CPNE5: variants seen among roughly 807,000 people sequenced by gnomAD.
The protein encoded by CPNE5 is copine-5.
CPNE5 carries 42 observed loss-of-function variants against 81.1 expected under a neutral mutation model. That is an observed-to-expected ratio of 0.52 (90% CI 0.40 to 0.67). CPNE5 has a LOEUF of 0.67. Among genes scored for constraint, CPNE5 ranks in the 30% least tolerant of loss-of-function variants. The pLI is 0.00. For synonymous variants in CPNE5, 313 were observed against 321.5 expected (o/e 0.97, Z 0.28); for missense variants, 612 against 815.5 (o/e 0.75, Z 3.04).
At chr6:36,781,862 G>A (rs1768061152) in intron 8 of CPNE5, among the ~76,000 whole-genome samples, 1 of 152,142 alleles carries the variant, frequency 6.6e-6, no homozygotes, top group African/African-American at 2.4e-5. Context: ...CCACAGAGGT[G>A]ACCCGCAGTG....
chr6:36,774,159 G>A (rs1036397806), intron 10 of CPNE5, among the ~76,000 whole-genome samples: 1 of 151,712 alleles, frequency 6.6e-6, no homozygotes, highest in Non-Finnish European at 1.5e-5. Flanking sequence ...AGAGATGGGT[G>A]CATTGCTTGA....
intron 8 of CPNE5, among the ~76,000 whole-genome samples, chr6:36,779,873 C>T (rs1366670519): frequency 1.3e-5 from 2 of 152,192 alleles, no homozygotes; most frequent in African/African-American, 4.8e-5. Flanking sequence ...GACAAATCAC[C>T]TTCGAGCCAG....
chr6:36,743,701 G>T lies in CPNE5; in HGVS notation c.1551C>A (p.Arg517=). 1 of 1,613,424 alleles carries T rather than the reference G, an allele frequency of 6.2e-7. No homozygotes were observed. The highest frequency in any genetic ancestry group is 1.7e-5 in the Admixed American group (1 of 60,028). ...RISSRGKLAE[R]DIVQFVPFRD... is the part of the protein sequence containing the mutation. ...GCCTGGGCTTCACCTGGACGATGTC[G>T]CGTTCAGCCAGCTTCCCCCGGGAGG... Residue 517 remains arginine, a synonymous_variant, in exon 20 of 21, where the codon CGC becomes CGA. Transcript: ENST00000244751.
At chr6:36,830,676 T>A (rs7767776) in intron 1 of CPNE5, among the ~76,000 whole-genome samples, 3,881 of 152,310 alleles carry the variant, frequency 0.025, 133 homozygotes, top group African/African-American at 0.077. Context: ...CCTCAGATGC[T>A]TCTGAGCTGG....
chr6:36,758,595 A>G (rs904123217), intron 12 of CPNE5, among the ~76,000 whole-genome samples: 5 of 152,200 alleles, frequency 3.3e-5, no homozygotes, highest in African/African-American at 9.7e-5. Flanking sequence ...TACTGCCACC[A>G]TAAGTCCATG....
chr6:36,793,040 C>T (rs1769240810), intron 7 of CPNE5, among the ~76,000 whole-genome samples: 1 of 152,112 alleles, frequency 6.6e-6, no homozygotes, highest in Non-Finnish European at 1.5e-5. Context: ...ACAGAGAAGG[C>T]CCGCAGTGAG....
At chr6:36,743,525 G>A (rs1290979779) in intron 20 of CPNE5, among the ~76,000 whole-genome samples, 164 bp downstream of exon 20, 3 of 152,228 alleles carry the variant, frequency 2.0e-5, no homozygotes, top group Non-Finnish European at 4.4e-5. Context: ...CAGCATGGCC[G>A]AGGACTGACT....
At chr6:36,814,368 C>T (rs922653331) in intron 3 of CPNE5, among the ~76,000 whole-genome samples, 25 of 152,276 alleles carry the variant, frequency 1.6e-4, no homozygotes, top group African/African-American at 6.0e-4. Context: ...ACTGTAACAA[C>T]GGACTGAATC....
intron 3 of CPNE5, among the ~76,000 whole-genome samples, chr6:36,808,202 C>T (rs756573335): frequency 1.2e-4 from 18 of 151,930 alleles, no homozygotes; most frequent in African/African-American, 2.9e-4. Flanking sequence ...GTGATTCTCC[C>T]GCCTCAGCCT....
At chr6:36,798,059 G>A (rs1231751632) in intron 6 of CPNE5, 106 bp downstream of exon 6, 1 of 797,868 alleles carries the variant, frequency 1.3e-6, no homozygotes, top group East Asian at 2.7e-5. Flanking sequence ...TAACCCTGCA[G>A]ATGCCAGTCA....
At chr6:36,814,631 C>T (rs1287920076) in intron 3 of CPNE5, among the ~76,000 whole-genome samples, 1 of 151,986 alleles carries the variant, frequency 6.6e-6, no homozygotes, top group Non-Finnish European at 1.5e-5. Flanking sequence ...CAGGGAGGAG[C>T]GTGATGATCT....
rs139887414 is a variant in CPNE5, at chr6:36,760,943, A to G, written c.855+1974T>C. On this transcript the variant is annotated intron_variant, in intron 12 of 20. Transcript: ENST00000244751. ...ACTGCCAGAGCTGTGCTCCTTTTTC[A>G]GCTGATGGCCTTCCGATGTGTGCAG... Among the ~76,000 whole-genome samples the G allele has an allele frequency of 1.7e-3, 266 of 152,302 alleles. 2 individuals are homozygous for G. The highest frequency in any genetic ancestry group is 2.4e-3 in the Non-Finnish European group (160 of 68,022).
intron 14 of CPNE5, among the ~76,000 whole-genome samples, chr6:36,752,224 A>G (rs1764919395): frequency 6.6e-6 from 1 of 152,136 alleles, no homozygotes; most frequent in Admixed American, 6.5e-5. Context: ...AGACAGGTGC[A>G]GTCACTCACC....
At chr6:36,827,819 ACTTT>A (rs1407120712) in intron 1 of CPNE5, 6 of 915,878 alleles carry the variant, frequency 6.6e-6, no homozygotes, top group Non-Finnish European at 7.8e-6. Flanking sequence ...CTTTTTCTCC[ACTTT>A]CTTTCTTTGG....
rs112930937 is a variant in CPNE5, at chr6:36,825,884, C to A, written c.96-2786G>T. 3.6e-3 allele frequency among the ~76,000 whole-genome samples: 549 copies of A among 152,264 alleles called. 2 individuals carry two copies. Among genetic ancestry groups the A allele is most frequent in the Non-Finnish European group, 5.7e-3 (391 of 68,012 alleles). On this transcript the variant is annotated intron_variant, in intron 1 of 20. Coordinates refer to ENST00000244751, the MANE Select transcript of CPNE5 (RefSeq NM_020939.2). ...AGGGGGACTTCTCTACTAAAGCAAG[C>A]GCTTTAGGTTTATCTTTGAATTCTA... is the stretch of plus-strand genomic sequence containing the variant.
At chr6:36,743,422 G>A (rs1439926685) in intron 20 of CPNE5, among the ~76,000 whole-genome samples, 3 of 152,244 alleles carry the variant, frequency 2.0e-5, no homozygotes, top group Admixed American at 2.0e-4. Context: ...GGAGGCTGAG[G>A]AAGGGCTGGC....
At chr6:36,784,550 G>A (rs1187756516) in intron 8 of CPNE5, among the ~76,000 whole-genome samples, 1 of 152,220 alleles carries the variant, frequency 6.6e-6, no homozygotes, top group African/African-American at 2.4e-5. Context: ...GATGGACAGG[G>A]CCAGCAGGAT....
chr6:36,802,091 C>T (rs1474586591), intron 3 of CPNE5, among the ~76,000 whole-genome samples: 5 of 151,974 alleles, frequency 3.3e-5, no homozygotes, highest in African/African-American at 4.8e-5. Context: ...TGTTGGCACA[C>T]GCCTGTAGAC....
At chr6:36,791,720 C>T (rs1020895394) in intron 8 of CPNE5, among the ~76,000 whole-genome samples, 6 of 152,138 alleles carry the variant, frequency 3.9e-5, no homozygotes. Flanking sequence ...AAGGCAGTCT[C>T]GGCTCAAGGA....
Sources: gnomAD v4.1 joint callset for allele counts (sites outside exome capture counted in the v4.1 genomes callset) on GRCh38, gnomAD v4.1.1 for gene constraint, MANE v1.5 for transcripts, NCBI Gene and HGNC (gene_info 2026-07-23, HGNC 2026-07-21) for gene names.